Variants in GREP1 observed in about 807,000 individuals in gnomAD.
The protein encoded by GREP1 is glycine rich extracellular protein 1, also known as glycine-rich extracellular protein 1.
At position 2,996,658 on chromosome 16, in the gene GREP1, C is replaced by T. The variant is rs960994808; in HGVS notation, c.713-15C>T. 5.0e-6 allele frequency: 2 copies of T among 399,046 alleles called. No individual in the cohort carries two copies. The highest frequency in any genetic ancestry group is 8.8e-5 in the Admixed American group (2 of 22,736). 24.7% of individuals were successfully genotyped at this position (399,046 alleles called of 1,614,324 possible). A position where few individuals can be genotyped will look rare whatever the true frequency, so the allele number is the denominator to read the frequency against. On this transcript the variant is annotated splice_polypyrimidine_tract_variant and intron_variant, in intron 19 of 34. Coordinates refer to ENST00000573315, the Ensembl canonical transcript of GREP1. ...CACTGGCTGGAGTTGATGTCAGCCT[C>T]TCTGTCTCTCCCAGGCCTAGGAGCG... is the stretch of plus-strand genomic sequence containing the variant.
chr16:2,989,010 C>G lies in GREP1; in HGVS notation c.100+388C>G. ...ATGGAAGAGTCTTTACTTCAGGGACCTGGGGGGTCCTAAGGGTAGAAGGAG... is the reference window on the plus strand; with the variant it reads ...ATGGAAGAGTCTTTACTTCAGGGACGTGGGGGGTCCTAAGGGTAGAAGGAG... On this transcript the variant is annotated intron_variant, in intron 2 of 34. Transcript: ENST00000573315. This position sits in a 1 kb window ranked among gnomAD's most constrained non-coding sequence, Gnocchi z 4.2. The G allele has an allele frequency of 3.9e-6, 1 of 253,216 alleles. No individual in the cohort carries two copies. Among genetic ancestry groups the G allele is most frequent in the Non-Finnish European group, 7.5e-6 (1 of 133,778 alleles). The allele number at this position is 253,216 out of a possible 1,614,324, so 15.7% of individuals were successfully genotyped here.
intron 5 of GREP1, 114 bp from the exon 6 acceptor site, chr16:2,990,438 C>T: frequency 2.5e-6 from 1 of 399,090 alleles, no homozygotes; most frequent in Non-Finnish European, 4.4e-6. Flanking sequence ...CTCATCTGAT[C>T]CCCCTCTCTT....
intron 33 of GREP1, 84 bp downstream of exon 27, chr16:3,000,911 C>A (rs1441180514): frequency 1.3e-5 from 5 of 397,886 alleles, no homozygotes; most frequent in East Asian, 7.1e-5. Context: ...CTACCCACAG[C>A]CCCACAGAGA....
intron 2 of GREP1, 70 bp downstream of exon 2, chr16:2,988,692 T>C (rs2072383660): frequency 2.5e-6 from 1 of 398,558 alleles, no homozygotes; most frequent in Admixed American, 4.4e-5. Flanking sequence ...GTGTGGGAGC[T>C]CTCTGGGACT....
chr16:2,995,214 T>C, intron 13 of GREP1, 70 bp from the exon 15 acceptor site: 1 of 398,226 alleles, frequency 2.5e-6, no homozygotes, highest in Non-Finnish European at 4.4e-6. Context: ...GGGGTCCAGA[T>C]GCTGGGGTTC....
chr16:3,001,408 G>T (rs1596463903), intron 34 of GREP1, 74 bp downstream of exon 28: 2 of 399,108 alleles, frequency 5.0e-6, no homozygotes, highest in Non-Finnish European at 8.8e-6. Flanking sequence ...CATACTGGGG[G>T]ACACCCAGCC....
chr16:2,999,859 G>T, intron 27 of GREP1, 43 bp from the exon 25 acceptor site: 1 of 399,022 alleles, frequency 2.5e-6, no homozygotes, highest in Non-Finnish European at 4.4e-6. Context: ...AAGGAGTCAG[G>T]GGAGACCTGG....
chr16:3,001,182 T>C, intron 33 of GREP1, 99 bp from the exon 28 acceptor site: 1 of 399,044 alleles, frequency 2.5e-6, no homozygotes, highest in Non-Finnish European at 4.4e-6. Flanking sequence ...CCCTGGGCCC[T>C]CCGGGGAGGG....
At position 3,001,349 on chromosome 16, in the gene GREP1, C is replaced by T; in HGVS notation, c.1585+15C>T. On this transcript the variant is annotated intron_variant, in intron 34 of 34. Coordinates refer to ENST00000573315, the Ensembl canonical transcript of GREP1. ...TGGCTACGGAGGTGAGAGGGAGGCG[C>T]AATGGCCGAGCCGCCTGCCCAAAGG... 2.5e-6 allele frequency: 1 copy of T among 399,148 alleles called. No individual in the cohort carries two copies. Among genetic ancestry groups the T allele is most frequent in the Non-Finnish European group, 4.4e-6 (1 of 226,144 alleles). The allele number at this position is 399,148 out of a possible 1,614,324, so 24.7% of individuals were successfully genotyped here.
chr16:2,999,924 T>C (rs989186068), exon 28 of GREP1: 1 of 399,108 alleles, frequency 2.5e-6, no homozygotes, highest in Non-Finnish European at 4.4e-6. Context: ...CAAATGGCTA[T>C]GGACCGGGAG....
In GREP1 at chr16:2,995,280, A is replaced by T; in HGVS notation, c.485-4A>T. On this transcript the variant is annotated splice_region_variant and splice_polypyrimidine_tract_variant and intron_variant, in intron 13 of 34. Transcript: ENST00000573315. ...TACCTCATCTGCTCCCCATTTTCCC[A>T]AAGGCTTTAGAGGGGACATGAAGGC... is the stretch of plus-strand genomic sequence containing the variant. The T allele has an allele frequency of 7.5e-6, 3 of 398,908 alleles. No individual in the cohort carries two copies. Among genetic ancestry groups the T allele is most frequent in the Non-Finnish European group, 1.3e-5 (3 of 226,056 alleles). 24.7% of individuals were successfully genotyped at this position (398,908 alleles called of 1,614,324 possible).
At position 2,989,583 on chromosome 16, in the gene GREP1, T is replaced by C; in HGVS notation, c.130+31T>C. On this transcript the variant is annotated intron_variant, in intron 3 of 34. Transcript: ENST00000573315. The surrounding 1 kb of genome is among the most constrained non-coding windows in gnomAD (Gnocchi z 4.2). ...GCCTGGCATAGGGAAGGGAGGCGTCTGAGGGCAGGGCACGGGGCAGGGGGG... is the reference window on the plus strand; with the variant it reads ...GCCTGGCATAGGGAAGGGAGGCGTCCGAGGGCAGGGCACGGGGCAGGGGGG... 1 of 385,424 alleles carries C rather than the reference T, an allele frequency of 2.6e-6. No homozygotes were observed. The highest frequency in any genetic ancestry group is 3.6e-5 in the East Asian group (1 of 27,746). 23.9% of individuals were successfully genotyped at this position (385,424 alleles called of 1,614,324 possible).
At chr16:2,994,528 G>C in intron 10 of GREP1, 170 bp from the exon 12 acceptor site, 1 of 397,008 alleles carries the variant, frequency 2.5e-6, no homozygotes, top group South Asian at 1.4e-4. Context: ...AAAAAAAAGA[G>C]CTCAGACCCA....
intron 2 of GREP1, chr16:2,988,830 C>T: frequency 2.5e-6 from 1 of 395,072 alleles, no homozygotes; most frequent in Non-Finnish European, 4.5e-6. Context: ...CGGGGCAGAA[C>T]ATGCAGCCCT....
chr16:2,999,250 T>C (rs2072444936), intron 26 of GREP1: 1 of 398,644 alleles, frequency 2.5e-6, no homozygotes, highest in African/African-American at 2.1e-5. Context: ...CTAACCTTCC[T>C]CCTAGCACCA....
rs148583549 is a variant in GREP1 at position 2,997,892 on chromosome 16, C to G, written c.949+57C>G. The G allele has an allele frequency of 1.5e-3, 600 of 398,634 alleles. 8 individuals are homozygous for G. In the East Asian group the frequency reaches 0.021, roughly 14 times the overall value. 24.7% of individuals were successfully genotyped at this position (398,634 alleles called of 1,614,324 possible). On this transcript the variant is annotated intron_variant, in intron 23 of 34. Transcript: ENST00000573315. ...CTGCAGAAACTGCCTACCCCTCCAC[C>G]CTTTTCCCCTCCCAAGCTGTACCCT...
In GREP1 at chr16:2,991,130, T is replaced by A. The variant is rs1168676368; in HGVS notation, c.322+29T>A. On this transcript the variant is annotated intron_variant, in intron 8 of 34. Coordinates refer to ENST00000573315, the Ensembl canonical transcript of GREP1. The surrounding 1 kb of genome is among the most constrained non-coding windows in gnomAD (Gnocchi z 4.9). ...AGGAAACGTCGGGTGTGGCAGGACC[T>A]GGGCTTCCAGGAGGGAGGGGGAAGG... The A allele has an allele frequency of 5.0e-6, 2 of 398,938 alleles. No individual in the cohort carries two copies. The highest frequency in any genetic ancestry group is 4.1e-5 in the African/African-American group (2 of 48,528). 24.7% of individuals were successfully genotyped at this position (398,938 alleles called of 1,614,324 possible).
At chr16:3,000,197 C>T (rs966353355) in intron 29 of GREP1, 79 bp downstream of exon 26, 5 of 399,242 alleles carry the variant, frequency 1.3e-5, no homozygotes, top group Admixed American at 8.8e-5. Flanking sequence ...TGTCTGTCCG[C>T]ATCCCCCTGT....
In GREP1 at chr16:2,988,587, CA is replaced by C; in HGVS notation, c.68-2del. On this transcript the variant is annotated splice_acceptor_variant, in intron 1 of 34. Transcript: ENST00000573315. LOFTEE classifies it high-confidence loss of function. ...TTGAGTCAGCACTGTCTTGCTTCCG[CA>C]GGGCTGCCCCTTCTGCCTCCTGGCC... 2 of 399,184 alleles carry C rather than the reference CA, an allele frequency of 5.0e-6. No homozygotes were observed. Among genetic ancestry groups the C allele is most frequent in the Non-Finnish European group, 8.8e-6 (2 of 226,156 alleles). The allele number at this position is 399,184 out of a possible 1,614,324, so 24.7% of individuals were successfully genotyped here. A position where few individuals can be genotyped will look rare whatever the true frequency, so the allele number is the denominator to read the frequency against.
Sources: allele counts gnomAD v4.1 joint callset, GRCh38; gene constraint gnomAD v4.1.1; non-coding constraint Gnocchi (gnomAD v3.1); transcripts MANE v1.5; gene names NCBI Gene and HGNC (gene_info 2026-07-23, HGNC 2026-07-21).